PTPRD: variants seen among roughly 807,000 people sequenced by gnomAD.
The protein encoded by PTPRD is protein tyrosine phosphatase receptor type D, also known as receptor-type tyrosine-protein phosphatase delta.
PTPRD carries 34 observed loss-of-function variants against 214.5 expected under a neutral mutation model. That is an observed-to-expected ratio of 0.16 (90% CI 0.12 to 0.21). The LOEUF is 0.21. Ranked by LOEUF, PTPRD falls within the 10% of genes least tolerant of loss-of-function variation. The probability of loss-of-function intolerance (pLI) is 1.00; values close to 1 mark genes in which losing one functional copy is unlikely to be tolerated. For synonymous variants in PTPRD, 1,128 were observed against 845.7 expected, an observed-to-expected ratio of 1.33 and a Z score of -5.79; for missense variants, 2,545 against 2,398.7, an observed-to-expected ratio of 1.06 and a Z score of -1.27.
intron 3 of PTPRD, among the ~76,000 whole-genome samples, chr9:10,237,282 T>A (rs2099632196): frequency 6.6e-6 from 1 of 151,930 alleles, no homozygotes. Flanking sequence ...CACAATTATT[T>A]TTAAACATAG....
At chr9:9,571,707 G>A (rs761367384) in intron 8 of PTPRD, among the ~76,000 whole-genome samples, 10 of 150,338 alleles carry the variant, frequency 6.7e-5, no homozygotes, top group African/African-American at 2.2e-4. Flanking sequence ...CTTATAATGG[G>A]CAATTCATAA....
intron 39 of PTPRD, among the ~76,000 whole-genome samples, chr9:8,371,359 G>C (rs2081448100): frequency 6.6e-6 from 1 of 152,068 alleles, no homozygotes; most frequent in Non-Finnish European, 1.5e-5. Flanking sequence ...ATTATTGAGT[G>C]CTTACTAAGG....
rs146307540 is a variant in PTPRD, at chr9:10,299,800, C to T, written c.-545+41163G>A. ...GCATATGAATGGTAAGGCAAATACT[C>T]GTGGAAATAGTTTGTATCTTTACAT... On this transcript the variant is annotated intron_variant, in intron 3 of 45. Coordinates refer to ENST00000381196, the MANE Select transcript of PTPRD (RefSeq NM_002839.4). 2.7e-3 allele frequency among the ~76,000 whole-genome samples: 416 copies of T among 152,256 alleles called. 10 individuals carry two copies. The highest frequency in any genetic ancestry group is 0.024 in the Admixed American group (363 of 15,280).
intron 3 of PTPRD, among the ~76,000 whole-genome samples, chr9:10,296,515 C>G (rs958849936): frequency 6.6e-5 from 10 of 152,018 alleles, no homozygotes; most frequent in African/African-American, 1.9e-4. Context: ...ACCCCTAACT[C>G]GAGTCAGTTA....
chr9:10,263,461 C>T (rs766635316), intron 3 of PTPRD, among the ~76,000 whole-genome samples: 1 of 152,050 alleles, frequency 6.6e-6, no homozygotes, highest in African/African-American at 2.4e-5. Flanking sequence ...AAGGTGGTCT[C>T]AGATGGAGAT....
intron 6 of PTPRD, among the ~76,000 whole-genome samples, chr9:9,747,700 C>T (rs1353921778): frequency 2.0e-5 from 3 of 152,028 alleles, no homozygotes; most frequent in Non-Finnish European, 4.4e-5. Flanking sequence ...GTACCCACCA[C>T]CACACCTGGC....
At chr9:10,264,442 T>G (rs555470725) in intron 3 of PTPRD, among the ~76,000 whole-genome samples, 2 of 152,294 alleles carry the variant, frequency 1.3e-5, no homozygotes, top group South Asian at 4.2e-4. Context: ...ATGTGAGACA[T>G]GGAGTCAAAG....
intron 3 of PTPRD, among the ~76,000 whole-genome samples, chr9:10,164,813 G>C (rs1412076138): frequency 6.6e-6 from 1 of 150,790 alleles, no homozygotes; most frequent in Non-Finnish European, 1.5e-5. Flanking sequence ...AGGTTTAAAG[G>C]TTTTAGAAAT....
At chr9:9,944,805 A>C (rs912824978) in intron 4 of PTPRD, among the ~76,000 whole-genome samples, 9 of 152,128 alleles carry the variant, frequency 5.9e-5, no homozygotes, top group Non-Finnish European at 1.3e-4. Flanking sequence ...TAAAAACTGG[A>C]GACATTAGCT....
At chr9:10,129,727 G>A (rs1008548977) in intron 3 of PTPRD, among the ~76,000 whole-genome samples, 2 of 151,802 alleles carry the variant, frequency 1.3e-5, no homozygotes, top group Admixed American at 6.6e-5. Context: ...GCAAAGTAAA[G>A]TCTTGTATGT....
At chr9:8,859,202 A>C (rs935888255) in intron 11 of PTPRD, among the ~76,000 whole-genome samples, 2 of 152,180 alleles carry the variant, frequency 1.3e-5, no homozygotes, top group Non-Finnish European at 2.9e-5. Context: ...CTTTCATGCC[A>C]CTTGCTTTTA....
chr9:9,962,832 C>T (rs1285113740), intron 4 of PTPRD, among the ~76,000 whole-genome samples: 1 of 151,906 alleles, frequency 6.6e-6, no homozygotes, highest in African/African-American at 2.4e-5. Context: ...AAAGACTGTT[C>T]CCAAAAGAAA....
intron 2 of PTPRD, among the ~76,000 whole-genome samples, chr9:10,505,026 C>T (rs1048691090): frequency 1.1e-4 from 17 of 152,130 alleles, no homozygotes; most frequent in African/African-American, 4.1e-4. Flanking sequence ...AATCTTAATG[C>T]AAGAGCTGTC....
intron 7 of PTPRD, among the ~76,000 whole-genome samples, chr9:9,687,808 T>C (rs1008845179): frequency 2.0e-5 from 3 of 151,802 alleles, no homozygotes; most frequent in Non-Finnish European, 2.9e-5. Flanking sequence ...GAGATAATTA[T>C]ATACATGTAT....
At chr9:8,468,780 C>T (rs13286656) in intron 31 of PTPRD, among the ~76,000 whole-genome samples, 6,869 of 124,304 alleles carry the variant, frequency 0.055, 231 homozygotes, top group South Asian at 0.13. Flanking sequence ...TACTACAGTG[C>T]TTTTATTATC....
At chr9:8,644,427 G>A (rs1439493915) in intron 12 of PTPRD, among the ~76,000 whole-genome samples, 3 of 152,162 alleles carry the variant, frequency 2.0e-5, no homozygotes, top group African/African-American at 7.2e-5. Flanking sequence ...CTGGTCACAG[G>A]ACAAGAACTC....
chr9:9,901,376 A>C (rs1177333482), intron 5 of PTPRD, among the ~76,000 whole-genome samples: 2 of 152,186 alleles, frequency 1.3e-5, no homozygotes, highest in Admixed American at 1.3e-4. Flanking sequence ...CATGTGGGAT[A>C]AGTTGTCATA....
At chr9:9,258,266 A>G (rs948563363) in intron 9 of PTPRD, among the ~76,000 whole-genome samples, 1 of 151,932 alleles carries the variant, frequency 6.6e-6, no homozygotes, top group South Asian at 2.1e-4. Flanking sequence ...TAAACATACT[A>G]TAACAGCTTG....
At chr9:10,118,748 C>A (rs967847934) in intron 3 of PTPRD, among the ~76,000 whole-genome samples, 3 of 151,448 alleles carry the variant, frequency 2.0e-5, no homozygotes. Flanking sequence ...TATCTCAACA[C>A]TACATTTTAA....
Sources: gnomAD v4.1 joint callset for allele counts (sites outside exome capture counted in the v4.1 genomes callset) on GRCh38, gnomAD v4.1.1 for gene constraint, MANE v1.5 for transcripts, NCBI Gene and HGNC (gene_info 2026-07-23, HGNC 2026-07-21) for gene names.